TAFA1: variants seen among roughly 807,000 people sequenced by gnomAD.
TAFA1 encodes TAFA chemokine like family member 1.
A neutral mutation model predicts 18.5 loss-of-function variants in TAFA1; 4 were observed. The ratio of observed to expected loss-of-function variants is 0.22; its 90% CI spans 0.11 to 0.49. The LOEUF (loss-of-function observed/expected upper bound fraction) is 0.49, where lower values mean the gene tolerates loss of function less well. TAFA1 is among the 20% of genes least tolerant of loss of function. The probability of loss-of-function intolerance (pLI) is 0.98; values close to 1 mark genes in which losing one functional copy is unlikely to be tolerated. For synonymous variants in TAFA1, 56 were observed against 55.2 expected (o/e 1.01, Z -0.06); for missense variants, 147 against 169.0 (o/e 0.87, Z 0.72).
intron 3 of TAFA1, among the ~76,000 whole-genome samples, chr3:68,527,920 G>T (rs2106766242): frequency 6.6e-6 from 1 of 152,172 alleles, no homozygotes; most frequent in Middle Eastern, 3.4e-3. Context: ...AAGATTGTCT[G>T]TTCGAAAAGC....
At chr3:68,038,358 G>T (rs1384871855) in intron 2 of TAFA1, among the ~76,000 whole-genome samples, 3 of 152,160 alleles carry the variant, frequency 2.0e-5, no homozygotes, top group Non-Finnish European at 4.4e-5. Context: ...ATGTTGGTGG[G>T]AAGGTGTAAT....
intron 2 of TAFA1, among the ~76,000 whole-genome samples, chr3:68,329,591 T>C (rs2068831012): frequency 6.6e-6 from 1 of 152,198 alleles, no homozygotes; most frequent in South Asian, 2.1e-4. Context: ...AACAAGACTC[T>C]TGTGAATTTG....
chr3:68,474,732 A>C (rs961170084), intron 3 of TAFA1, among the ~76,000 whole-genome samples: 5 of 152,222 alleles, frequency 3.3e-5, no homozygotes, highest in African/African-American at 1.2e-4. Context: ...AACAGGCGTC[A>C]TACCTGAAAA....
intron 2 of TAFA1, among the ~76,000 whole-genome samples, chr3:68,027,209 G>C (rs1704835449): frequency 6.6e-6 from 1 of 152,088 alleles, no homozygotes; most frequent in Non-Finnish European, 1.5e-5. Context: ...CCTTTTCTGA[G>C]AGTCTTCTCT....
At chr3:68,380,339 G>C (rs1415393246) in intron 2 of TAFA1, among the ~76,000 whole-genome samples, 5 of 152,212 alleles carry the variant, frequency 3.3e-5, no homozygotes, top group Admixed American at 1.3e-4. Context: ...TGAGGAATTG[G>C]CACACCGACT....
intron 3 of TAFA1, among the ~76,000 whole-genome samples, chr3:68,474,919 T>C (rs1323606137): frequency 6.6e-6 from 1 of 152,144 alleles, no homozygotes; most frequent in Non-Finnish European, 1.5e-5. Flanking sequence ...TTCAGAGTGG[T>C]TGTGTTTTTC....
chr3:68,272,225 A>G (rs1317545336), intron 2 of TAFA1, among the ~76,000 whole-genome samples: 1 of 152,072 alleles, frequency 6.6e-6, no homozygotes, highest in Non-Finnish European at 1.5e-5. Context: ...GTGCTGCTGG[A>G]TCTTCATTTA....
At chr3:68,467,010 T>G (rs907163513) in intron 3 of TAFA1, among the ~76,000 whole-genome samples, 1 of 152,120 alleles carries the variant, frequency 6.6e-6, no homozygotes, top group Admixed American at 6.6e-5. Flanking sequence ...GGCTGTTAAT[T>G]ATTAATATTC....
chr3:68,025,763 T>TG (rs1373202457), intron 2 of TAFA1, among the ~76,000 whole-genome samples: 1 of 152,206 alleles, frequency 6.6e-6, no homozygotes, highest in African/African-American at 2.4e-5. Flanking sequence ...TCCAAGTATC[T>TG]GCTCAGATAT....
At chr3:68,057,250 T>G (rs1261771752) in intron 2 of TAFA1, among the ~76,000 whole-genome samples, 2 of 152,198 alleles carry the variant, frequency 1.3e-5, no homozygotes, top group Non-Finnish European at 1.5e-5. Context: ...TAGTTAGAGA[T>G]ATTTCAGTTA....
intron 2 of TAFA1, among the ~76,000 whole-genome samples, chr3:68,053,260 G>A (rs2063080707): frequency 6.6e-6 from 1 of 152,086 alleles, no homozygotes; most frequent in South Asian, 2.1e-4. Flanking sequence ...AGTTGGTGGG[G>A]GTGGGGACTT....
chr3:68,247,536 C>T (rs935714499), intron 2 of TAFA1: 3 of 152,106 alleles, frequency 2.0e-5, no homozygotes, highest in Admixed American at 6.5e-5. Context: ...CTGTTTTGCA[C>T]CCAGGCACAC....
chr3:68,256,666 G>A (rs1248294383), intron 2 of TAFA1, among the ~76,000 whole-genome samples: 6 of 152,002 alleles, frequency 3.9e-5, no homozygotes, highest in Admixed American at 3.9e-4. Flanking sequence ...AATGTTATTT[G>A]GACACTCTGG....
chr3:68,384,764 G>T (rs1336588689), intron 2 of TAFA1, among the ~76,000 whole-genome samples: 2 of 152,024 alleles, frequency 1.3e-5, no homozygotes, highest in African/African-American at 2.4e-5. Context: ...TGTCAATGGG[G>T]TGTTAAAATC....
At chr3:68,232,499 T>C (rs1424729915) in intron 2 of TAFA1, among the ~76,000 whole-genome samples, 1 of 152,218 alleles carries the variant, frequency 6.6e-6, no homozygotes, top group Admixed American at 6.5e-5. Context: ...CTATTGTGAA[T>C]AGTGCTGAAA....
intron 2 of TAFA1, among the ~76,000 whole-genome samples, chr3:68,171,408 C>A (rs1263765313): frequency 6.6e-6 from 1 of 152,134 alleles, no homozygotes; most frequent in Non-Finnish European, 1.5e-5. Context: ...TTATAACCAG[C>A]AGAACTTCAA....
At chr3:68,393,382 A>G (rs1268600843) in intron 2 of TAFA1, among the ~76,000 whole-genome samples, 1 of 151,928 alleles carries the variant, frequency 6.6e-6, no homozygotes, top group Non-Finnish European at 1.5e-5. Context: ...CCAATGGAAA[A>G]AAAAAAAAAG....
intron 2 of TAFA1, among the ~76,000 whole-genome samples, chr3:68,400,205 G>A (rs1203042060): frequency 6.6e-6 from 1 of 152,106 alleles, no homozygotes; most frequent in Non-Finnish European, 1.5e-5. Flanking sequence ...ACTCTACAAA[G>A]GAAACCAGGT....
At position 68,385,658 on chromosome 3, in the gene TAFA1, G is replaced by T. The variant is rs939269792; in HGVS notation, c.119-31622G>T. ...TGCTATGACTAGATTTATTCATAAT[G>T]TTATTGTTAAACATATCTAGAAGCC... On this transcript the variant is annotated intron_variant, in intron 2 of 4. Transcript: ENST00000478136. 1.2e-4 allele frequency among the ~76,000 whole-genome samples: 18 copies of T among 151,962 alleles called. 1 individual carries two copies. The highest frequency in any genetic ancestry group is 1.1e-3 in the Admixed American group (16 of 15,210).
Sources: gnomAD v4.1 joint callset for allele counts (sites outside exome capture counted in the v4.1 genomes callset) on GRCh38, gnomAD v4.1.1 for gene constraint, MANE v1.5 for transcripts, NCBI Gene and HGNC (gene_info 2026-07-23, HGNC 2026-07-21) for gene names.